PTPN11: variants seen among roughly 807,000 people sequenced by gnomAD.
The protein encoded by PTPN11 is protein tyrosine phosphatase non-receptor type 11.
PTPN11 carries 6 observed loss-of-function variants against 78.8 expected under a neutral mutation model. That is an observed-to-expected ratio of 0.08 (90% confidence interval 0.04 to 0.15). The LOEUF (loss-of-function observed/expected upper bound fraction) is 0.15. Ranked by LOEUF, PTPN11 falls within the 10% of genes least tolerant of loss-of-function variation. The pLI is 1.00. For synonymous variants in PTPN11, 221 were observed against 263.5 expected (o/e 0.84, Z 1.56); for missense variants, 386 against 744.8 (o/e 0.52, Z 5.61).
intron 6 of PTPN11, among the ~76,000 whole-genome samples, chr12:112,462,731 G>A (rs2038266937): frequency 6.6e-6 from 1 of 152,000 alleles, no homozygotes; most frequent in Admixed American, 6.6e-5. Context: ...TGGACATCCT[G>A]GATATCCATA....
At chr12:112,444,617 G>C (rs1048915154) in intron 1 of PTPN11, among the ~76,000 whole-genome samples, 4 of 152,094 alleles carry the variant, frequency 2.6e-5, no homozygotes, top group African/African-American at 4.8e-5. Context: ...TGGGATTACA[G>C]GTGTGAGCCA....
intron 10 of PTPN11, among the ~76,000 whole-genome samples, chr12:112,484,466 C>T (rs923075714): frequency 2.7e-4 from 41 of 152,154 alleles, no homozygotes; most frequent in South Asian, 2.1e-4. Context: ...CCCCAGAGCA[C>T]GGGGACTCCT....
At chr12:112,435,412 T>C (rs1002878741) in intron 1 of PTPN11, among the ~76,000 whole-genome samples, 3 of 152,120 alleles carry the variant, frequency 2.0e-5, no homozygotes, top group South Asian at 2.1e-4. Flanking sequence ...AGAAATTCTT[T>C]TAGAATCTAT....
At chr12:112,431,067 T>C (rs1326711463) in intron 1 of PTPN11, among the ~76,000 whole-genome samples, 1 of 152,230 alleles carries the variant, frequency 6.6e-6, no homozygotes, top group African/African-American at 2.4e-5. Flanking sequence ...CCTCTTCCTC[T>C]TGAGTACGTG....
rs121918461 is a variant in PTPN11, at chr12:112,450,362, A to G, written c.182A>G (p.Asp61Gly). 1.2e-6 allele frequency: 2 copies of G among 1,613,346 alleles called. No individual in the cohort carries two copies. The highest frequency in any genetic ancestry group is 8.5e-7 in the Non-Finnish European group (1 of 1,179,326). Residue 61 changes from aspartate (D) to glycine (G), a missense_variant, in exon 3 of 16, where the codon GAT becomes GGT. Around this residue, in one of 3 missense-constraint regions of PTPN11, gnomAD observed 279 missense variants for 503.3 expected, o/e 0.55. Transcript: ENST00000351677. ...VTHIKIQNTG[D>G]YYDLYGGEKF... ...CACATCAAGATTCAGAACACTGGTG[A>G]TTACTATGACCTGTATGGAGGGGAG...
intron 7 of PTPN11, among the ~76,000 whole-genome samples, chr12:112,475,283 G>A (rs767751591): frequency 5.9e-5 from 9 of 152,046 alleles, no homozygotes; most frequent in Non-Finnish European, 1.0e-4. Flanking sequence ...GCTATGCAAG[G>A]CAGTGCACTG....
intron 6 of PTPN11, among the ~76,000 whole-genome samples, chr12:112,458,230 G>C (rs773070995): frequency 1.3e-4 from 20 of 151,984 alleles, no homozygotes; most frequent in Non-Finnish European, 2.2e-4. Flanking sequence ...TTTTCCTCCT[G>C]AGACAGAGTC....
At chr12:112,484,009 C>T (rs563325249) in intron 10 of PTPN11, among the ~76,000 whole-genome samples, 2 of 152,036 alleles carry the variant, frequency 1.3e-5, no homozygotes, top group South Asian at 2.1e-4. Flanking sequence ...GGATGCAGAG[C>T]GTCGTGGATG....
intron 13 of PTPN11, among the ~76,000 whole-genome samples, chr12:112,494,660 AACCAAGATCTG>A (rs2038791934): frequency 6.6e-6 from 1 of 152,174 alleles, no homozygotes; most frequent in South Asian, 2.1e-4. Flanking sequence ...AGTATTTTGA[AACCAAGATCTG>A]GGCACTGGGT....
chr12:112,436,059 G>A (rs2037784464), intron 1 of PTPN11, among the ~76,000 whole-genome samples: 1 of 151,986 alleles, frequency 6.6e-6, no homozygotes, highest in African/African-American at 2.4e-5. Flanking sequence ...AAAAAATTCA[G>A]TTGTGTTCTG....
At chr12:112,462,864 G>A (rs1294762515) in intron 6 of PTPN11, among the ~76,000 whole-genome samples, 2 of 152,112 alleles carry the variant, frequency 1.3e-5, no homozygotes, top group Non-Finnish European at 2.9e-5. Context: ...TCACAGAGAG[G>A]ATTACAGTGA....
intron 12 of PTPN11, 46 bp from the exon 13 acceptor site, chr12:112,488,978 C>T (rs1375907346): frequency 1.2e-6 from 2 of 1,610,418 alleles, no homozygotes; most frequent in South Asian, 1.1e-5. Flanking sequence ...CAACTTCATC[C>T]TGGCTCTGCA....
At chr12:112,500,855 G>A (rs2038866757) in intron 13 of PTPN11, among the ~76,000 whole-genome samples, 1 of 152,244 alleles carries the variant, frequency 6.6e-6, no homozygotes, top group Non-Finnish European at 1.5e-5. Flanking sequence ...GCCTCCCAAA[G>A]TGCTGGGATA....
At chr12:112,451,776 A>G (rs916669052) in intron 3 of PTPN11, among the ~76,000 whole-genome samples, 2 of 152,242 alleles carry the variant, frequency 1.3e-5, no homozygotes, top group Admixed American at 6.5e-5. Context: ...GTTTGAATTA[A>G]TTTATAATGA....
At position 112,468,045 on chromosome 12, in the gene PTPN11, C is replaced by A. The variant is rs117522892; in HGVS notation, c.757-4899C>A. Among the ~76,000 whole-genome samples the A allele has an allele frequency of 3.6e-4, 55 of 152,274 alleles. 1 individual carries two copies. In the East Asian group the frequency reaches 0.01, roughly 29 times the overall value. On this transcript the variant is annotated intron_variant, in intron 6 of 15. Transcript: ENST00000351677. The stretch of plus-strand genomic sequence containing the variant: ...CCTGCAGTCAGGTGTCTGTAACTAG[C>A]CTCTGGTCCTTTTTGAGAGTTCACA...
chr12:112,435,891 A>C (rs750613834), intron 1 of PTPN11, among the ~76,000 whole-genome samples: 1 of 152,160 alleles, frequency 6.6e-6, no homozygotes, highest in Non-Finnish European at 1.5e-5. Flanking sequence ...TGGAATTAAA[A>C]GAAAAAATCC....
At chr12:112,494,106 T>C (rs1417269893) in intron 13 of PTPN11, among the ~76,000 whole-genome samples, 1 of 151,970 alleles carries the variant, frequency 6.6e-6, no homozygotes, top group East Asian at 1.9e-4. Context: ...TATAAAAAAT[T>C]AGCTGGATGT....
At chr12:112,435,971 G>A (rs1449563739) in intron 1 of PTPN11, among the ~76,000 whole-genome samples, 2 of 152,042 alleles carry the variant, frequency 1.3e-5, no homozygotes, top group Admixed American at 1.3e-4. Flanking sequence ...GATCACTTGA[G>A]TCCAGGAGTT....
At chr12:112,442,477 G>A (rs896265228) in intron 1 of PTPN11, among the ~76,000 whole-genome samples, 1 of 151,652 alleles carries the variant, frequency 6.6e-6, no homozygotes, top group African/African-American at 2.4e-5. Context: ...TTTTGAGATG[G>A]AGTATTGCTC....
Sources: gnomAD v4.1 joint callset for allele counts (sites outside exome capture counted in the v4.1 genomes callset) on GRCh38, gnomAD v4.1.1 for gene constraint, gnomAD v4.1.1 regional missense constraint, MANE v1.5 for transcripts, NCBI Gene and HGNC (gene_info 2026-07-23, HGNC 2026-07-21) for gene names.